The following RAB11FIP4 variants were observed in gnomAD, a reference collection of about 807,000 sequenced individuals.
RAB11FIP4 encodes RAB11 family interacting protein 4, also known as rab11 family-interacting protein 4.
A neutral mutation model predicts 74.3 loss-of-function variants in RAB11FIP4; 23 were observed. The ratio of observed to expected loss-of-function variants is 0.31; its 90% CI spans 0.22 to 0.44. The LOEUF is 0.44. Ranked by LOEUF, RAB11FIP4 falls within the 20% of genes least tolerant of loss-of-function variation. The pLI, the probability that RAB11FIP4 is intolerant of heterozygous loss-of-function variation, is 1.00. For synonymous variants in RAB11FIP4, 360 were observed against 359.9 expected, an observed-to-expected ratio of 1.00 and a Z score of 0.00; for missense variants, 630 against 863.9, an observed-to-expected ratio of 0.73 and a Z score of 3.39.
At chr17:31,425,009 T>C (rs2071234253) in intron 1 of RAB11FIP4, among the ~76,000 whole-genome samples, 1 of 152,238 alleles carries the variant, frequency 6.6e-6, no homozygotes, top group Non-Finnish European at 1.5e-5. Context: ...CCTGTCAGCA[T>C]AATAATAGTG....
chr17:31,427,794 C>T (rs114570421), intron 1 of RAB11FIP4, among the ~76,000 whole-genome samples: 2,018 of 152,254 alleles, frequency 0.013, 36 homozygotes, highest in African/African-American at 0.042. Flanking sequence ...GGAGAGGAGG[C>T]GGAATGCCAG....
At chr17:31,431,628 C>A in intron 1 of RAB11FIP4, 185 bp from the exon 2 acceptor site, 1 of 544,430 alleles carries the variant, frequency 1.8e-6, no homozygotes, top group Non-Finnish European at 3.2e-6. Flanking sequence ...TTTCTTTGCC[C>A]GAGTTGTCTG....
rs982641276 is a variant in RAB11FIP4, at chr17:31,535,185, G to A, written c.*3453G>A. The A allele has an allele frequency of 2.0e-5, 3 of 151,632 alleles. No homozygotes were observed. Among genetic ancestry groups the A allele is most frequent in the Non-Finnish European group, 4.4e-5 (3 of 68,114 alleles). The allele number at this position is 151,632 out of a possible 1,614,324, so 9.4% of individuals were successfully genotyped here. ...CTGTAATCCTAGCACTTGGGAGGCA[G>A]TGGCAGGCGGATCACTTGAGCTCAG... is the stretch of plus-strand genomic sequence containing the variant. On this transcript the variant is annotated 3_prime_UTR_variant, in exon 15 of 15. Coordinates refer to ENST00000621161, the MANE Select transcript of RAB11FIP4 (RefSeq NM_032932.6).
At position 31,517,814 on chromosome 17, in the gene RAB11FIP4, G is replaced by A. The variant is rs542535163; in HGVS notation, c.500G>A (p.Gly167Glu). 4 of 1,552,930 alleles carry A rather than the reference G, an allele frequency of 2.6e-6. No individual in the cohort carries two copies. In the East Asian group the frequency reaches 7.3e-5, roughly 28 times the overall value. ...ATGGAGAGCACTCAGAGCCTGGAGG[G>A]GTCTGTCGGGAGTCCTGCCGAGAAG... ...SPMESTQSLE[G>E]SVGSPAEKDG... is the part of the protein sequence containing the mutation. Residue 167 changes from glycine (G) to glutamate (E), a missense_variant, in exon 4 of 15, where the codon GGG becomes GAG. Physicochemically the swap from Gly to Glu is moderately conservative, Grantham distance 98 (BLOSUM62 -2). Transcript: ENST00000621161.
chr17:31,447,801 G>C (rs1367684775), intron 3 of RAB11FIP4, among the ~76,000 whole-genome samples: 1 of 152,092 alleles, frequency 6.6e-6, no homozygotes, highest in Non-Finnish European at 1.5e-5. Flanking sequence ...GGGATTACAG[G>C]CACAAGCCAC....
chr17:31,445,529 ATTTTATATATAT>A (rs1294182125), intron 3 of RAB11FIP4, among the ~76,000 whole-genome samples: 11 of 90,714 alleles, frequency 1.2e-4, no homozygotes, highest in African/African-American at 2.1e-4. Flanking sequence ...AATTTTCCCA[ATTTTATATATAT>A]ATATATATAT....
intron 3 of RAB11FIP4, among the ~76,000 whole-genome samples, chr17:31,446,647 A>AC (rs71954204): frequency 0.037 from 5,457 of 147,714 alleles, 127 homozygotes; most frequent in East Asian, 0.15. Flanking sequence ...ACTAGAAAAG[A>AC]CCCCCCCCAC....
At position 31,537,543 on chromosome 17, in the gene RAB11FIP4, A is replaced by G; in HGVS notation, c.*5811A>G. 1 of 219,662 alleles carries G rather than the reference A, an allele frequency of 4.6e-6. No homozygotes were observed. Among genetic ancestry groups the G allele is most frequent in the East Asian group, 8.9e-5 (1 of 11,208 alleles). 13.6% of individuals were successfully genotyped at this position (219,662 alleles called of 1,614,324 possible). A position where few individuals can be genotyped will look rare whatever the true frequency, so the allele number is the denominator to read the frequency against. On this transcript the variant is annotated 3_prime_UTR_variant, in exon 15 of 15. Transcript: ENST00000621161. The stretch of plus-strand genomic sequence containing the variant: ...AAAGCATCACTCTTTAACCTGGGGC[A>G]TTGGCCCCAGCAGGGATATCATGGG...
intron 3 of RAB11FIP4, among the ~76,000 whole-genome samples, chr17:31,461,359 G>A: frequency 6.6e-6 from 1 of 152,104 alleles, no homozygotes; most frequent in East Asian, 1.9e-4. Flanking sequence ...CACGATACCA[G>A]GCACTTACTG....
intron 3 of RAB11FIP4, among the ~76,000 whole-genome samples, chr17:31,466,068 C>T (rs543645475): frequency 4.0e-5 from 6 of 151,878 alleles, no homozygotes; most frequent in East Asian, 3.9e-4. Context: ...CGCTTGAACC[C>T]GGGAGGCGGA....
At chr17:31,395,449 A>C (rs2070920152) in intron 1 of RAB11FIP4, among the ~76,000 whole-genome samples, 1 of 152,202 alleles carries the variant, frequency 6.6e-6, no homozygotes. Context: ...ACTGTCTCAG[A>C]AGGTGATCAA....
chr17:31,422,989 G>T (rs1324659191), intron 1 of RAB11FIP4, among the ~76,000 whole-genome samples: 1 of 146,682 alleles, frequency 6.8e-6, no homozygotes. Flanking sequence ...GCACGATCTC[G>T]GCTCACTGCA....
intron 3 of RAB11FIP4, among the ~76,000 whole-genome samples, chr17:31,460,947 C>T (rs748722905): frequency 3.9e-5 from 6 of 152,048 alleles, no homozygotes; most frequent in Non-Finnish European, 5.9e-5. Flanking sequence ...AGCTAGTTTA[C>T]AGCATTGTGC....
At chr17:31,485,241 G>C (rs1443042665) in intron 3 of RAB11FIP4, among the ~76,000 whole-genome samples, 1 of 152,216 alleles carries the variant, frequency 6.6e-6, no homozygotes, top group East Asian at 1.9e-4. Context: ...AGTGTTCAAT[G>C]CATCTGTGGC....
chr17:31,530,452 A>C lies in RAB11FIP4; in HGVS notation c.1780A>C (p.Thr594Pro). ...KAQSLAAEID[T>P]ASRDELMEAL... ...CCAGTCTCTGGCTGCGGAGATAGAC[A>C]CCGCCTCGCGCGATGAGGTAACCAC... Residue 594 changes from threonine to proline, a missense_variant, in exon 14 of 15, where the codon ACC (threonine) becomes CCC (proline). Transcript: ENST00000621161. 6.2e-7 allele frequency: 1 copy of C among 1,613,734 alleles called. No individual in the cohort carries two copies. The highest frequency in any genetic ancestry group is 1.1e-5 in the South Asian group (1 of 91,080).
intron 3 of RAB11FIP4, among the ~76,000 whole-genome samples, chr17:31,506,502 A>C (rs2072351333): frequency 6.6e-6 from 1 of 152,208 alleles, no homozygotes; most frequent in Non-Finnish European, 1.5e-5. Context: ...CCATCTGACT[A>C]TAGCTTCGTG....
intron 3 of RAB11FIP4, among the ~76,000 whole-genome samples, chr17:31,490,330 G>T (rs1164179507): frequency 1.3e-5 from 2 of 152,146 alleles, no homozygotes; most frequent in African/African-American, 4.8e-5. Flanking sequence ...CCCCGATCTG[G>T]GCAGCCCGTT....
chr17:31,521,873 G>A (rs745824501), intron 5 of RAB11FIP4, 42 bp from the exon 6 acceptor site: 1 of 1,612,444 alleles, frequency 6.2e-7, no homozygotes, highest in East Asian at 2.2e-5. Flanking sequence ...GCACCAGACT[G>A]GACAGCAGTT....
At chr17:31,505,319 A>G (rs1017520172) in intron 3 of RAB11FIP4, among the ~76,000 whole-genome samples, 3 of 143,846 alleles carry the variant, frequency 2.1e-5, no homozygotes, top group East Asian at 3.9e-4. Flanking sequence ...TTCTGTATGT[A>G]TCAGTCTGGA....
Sources: gnomAD v4.1 joint callset for allele counts (sites outside exome capture counted in the v4.1 genomes callset) on GRCh38, gnomAD v4.1.1 for gene constraint, MANE v1.5 for transcripts, NCBI Gene and HGNC (gene_info 2026-07-23, HGNC 2026-07-21) for gene names.